The following PTPRB variants were observed in gnomAD, a reference collection of about 807,000 sequenced individuals.
The protein encoded by PTPRB is protein tyrosine phosphatase receptor type B, also known as receptor-type tyrosine-protein phosphatase beta.
PTPRB carries 97 observed loss-of-function variants against 238.1 expected under a neutral mutation model. The ratio of observed to expected loss-of-function variants is 0.41; its 90% CI spans 0.35 to 0.48. The LOEUF is 0.48. Ranked by LOEUF, PTPRB falls within the 20% of genes least tolerant of loss-of-function variation. PTPRB has a pLI of 0.30. For synonymous variants in PTPRB, 970 were observed against 995.4 expected, an observed-to-expected ratio of 0.97 and a Z score of 0.48; for missense variants, 2,292 against 2,681.9, an observed-to-expected ratio of 0.85 and a Z score of 3.21.
At chr12:70,587,877 G>A (rs1253629375) in intron 8 of PTPRB, among the ~76,000 whole-genome samples, 2 of 151,972 alleles carry the variant, frequency 1.3e-5, no homozygotes, top group African/African-American at 4.8e-5. Flanking sequence ...GAGGCGGGTG[G>A]ATCACTTGAG....
At chr12:70,634,899 C>A (rs1885614217) in intron 2 of PTPRB, among the ~76,000 whole-genome samples, 1 of 152,158 alleles carries the variant, frequency 6.6e-6, no homozygotes, top group Admixed American at 6.5e-5. Context: ...CTTTCTAAAG[C>A]AAACCTCTAA....
intron 2 of PTPRB, among the ~76,000 whole-genome samples, chr12:70,635,134 A>G (rs907808563): frequency 1.3e-5 from 2 of 152,194 alleles, no homozygotes; most frequent in African/African-American, 4.8e-5. Flanking sequence ...TTAACATTTC[A>G]AAAGTGTGTT....
At chr12:70,585,426 C>T (rs2136437844) in intron 9 of PTPRB, 1 of 152,234 alleles carries the variant, frequency 6.6e-6, no homozygotes, top group South Asian at 2.1e-4. Context: ...CAAATCTCAT[C>T]TTGAATTGTA....
chr12:70,624,646 A>G (rs1046462539), intron 2 of PTPRB, among the ~76,000 whole-genome samples: 1 of 152,162 alleles, frequency 6.6e-6, no homozygotes, highest in Non-Finnish European at 1.5e-5. Context: ...TATGCAGATT[A>G]GCATTTTGGT....
rs545428867 is a variant in PTPRB, at chr12:70,521,046, G to C, written c.*443C>G. 1 of 154,328 alleles carries C rather than the reference G, an allele frequency of 6.5e-6. No homozygotes were observed. The highest frequency in any genetic ancestry group is 2.4e-5 in the African/African-American group (1 of 41,588). 9.6% of individuals were successfully genotyped at this position (154,328 alleles called of 1,614,324 possible). A position where few individuals can be genotyped will look rare whatever the true frequency, so the allele number is the denominator to read the frequency against. ...TCGAGATTCATGGGACAGCAATGCA[G>C]CAAATCTAGCCATAGTATTTGCTCT... On this transcript the variant is annotated 3_prime_UTR_variant, in exon 34 of 34. Coordinates refer to ENST00000334414, the MANE Select transcript of PTPRB (RefSeq NM_001109754.4).
chr12:70,631,937 C>G (rs1169921867), intron 2 of PTPRB, among the ~76,000 whole-genome samples: 1 of 152,116 alleles, frequency 6.6e-6, no homozygotes, highest in African/African-American at 2.4e-5. Flanking sequence ...ACAACAGATG[C>G]TGGAGAGGAT....
chr12:70,545,418 T>C (rs549619561), intron 21 of PTPRB, among the ~76,000 whole-genome samples: 6 of 152,240 alleles, frequency 3.9e-5, no homozygotes, highest in East Asian at 1.9e-4. Flanking sequence ...ATCATATTTA[T>C]TGTCAACAGG....
At chr12:70,596,028 T>C in intron 5 of PTPRB, 21 bp downstream of exon 5, 1 of 1,536,872 alleles carries the variant, frequency 6.5e-7, no homozygotes. Flanking sequence ...ACTACTCAGC[T>C]ATAAAATAAA....
At chr12:70,633,128 C>T (rs569635976) in intron 2 of PTPRB, among the ~76,000 whole-genome samples, 3 of 152,280 alleles carry the variant, frequency 2.0e-5, no homozygotes, top group Non-Finnish European at 4.4e-5. Context: ...TGTATTTGTG[C>T]TGCTGTAGAT....
At chr12:70,543,501 C>T (rs1472095149) in intron 22 of PTPRB, among the ~76,000 whole-genome samples, 1 of 152,162 alleles carries the variant, frequency 6.6e-6, no homozygotes, top group Non-Finnish European at 1.5e-5. Flanking sequence ...CATCTAAATC[C>T]TCTTAACTGT....
rs1194339348 is a variant in PTPRB at position 70,562,945 on chromosome 12, C to A, written c.4067G>T (p.Ser1356Ile). 8.7e-6 allele frequency: 14 copies of A among 1,613,894 alleles called. No homozygotes were observed. The highest frequency in any genetic ancestry group is 1.1e-5 in the Non-Finnish European group (13 of 1,179,912). The change falls in exon 16 of 34, where the codon AGC (serine) becomes ATC (isoleucine). Residue 1356 changes from serine to isoleucine, a missense_variant. This residue lies in a region of PTPRB where 683 missense variants were observed against 862.0 expected (regional missense o/e 0.79). Coordinates refer to ENST00000334414, the MANE Select transcript of PTPRB (RefSeq NM_001109754.4). ...TTGTAGCAAGTTCTGGAAAGAGAAGCTCTGGACTAGTGGGTCAACTTGAGC... is the reference window on the plus strand; with the variant it reads ...TTGTAGCAAGTTCTGGAAAGAGAAGATCTGGACTAGTGGGTCAACTTGAGC... Reference protein sequence around the residue: ...ERAQVDPLVQSFSFQNLLQGR... With the variant: ...ERAQVDPLVQIFSFQNLLQGR...
At chr12:70,557,134 G>A (rs1877802104) in intron 18 of PTPRB, among the ~76,000 whole-genome samples, 1 of 152,182 alleles carries the variant, frequency 6.6e-6, no homozygotes, top group Non-Finnish European at 1.5e-5. Flanking sequence ...CTCTGCCAAG[G>A]TATCACGAAA....
intron 4 of PTPRB, among the ~76,000 whole-genome samples, chr12:70,602,027 T>A (rs10879169): frequency 9.9e-5 from 15 of 151,780 alleles, no homozygotes; most frequent in African/African-American, 3.6e-4. Flanking sequence ...GATCTCCTGA[T>A]GTTGTGATCT....
At chr12:70,617,351 G>A (rs955522756) in intron 3 of PTPRB, among the ~76,000 whole-genome samples, 8 of 152,140 alleles carry the variant, frequency 5.3e-5, no homozygotes, top group African/African-American at 1.7e-4. Flanking sequence ...CTTTTGAAAC[G>A]TATCCTCCCC....
rs764661780 is a variant in PTPRB, at chr12:70,539,820, C to A, written c.5696+7G>T. 6.3e-7 allele frequency: 1 copy of A among 1,597,326 alleles called. No individual in the cohort carries two copies. The highest frequency in any genetic ancestry group is 1.7e-5 in the Admixed American group (1 of 60,000). On this transcript the variant is annotated splice_region_variant and intron_variant, in intron 25 of 33. Transcript: ENST00000334414. ...TAATATAGTAATTAATGTGTTCTCT[C>A]TCTTACCAAGAAGTTTTCCGGTTAC...
At chr12:70,571,393 C>T (rs1018839974) in intron 12 of PTPRB, 104 bp from the exon 13 acceptor site, 1 of 1,116,564 alleles carries the variant, frequency 9.0e-7, no homozygotes, top group Non-Finnish European at 1.3e-6. Flanking sequence ...ATCTCCCTTC[C>T]CCAAATAAAC....
intron 2 of PTPRB, among the ~76,000 whole-genome samples, chr12:70,634,729 C>T (rs555989554): frequency 6.6e-6 from 1 of 152,182 alleles, no homozygotes; most frequent in Non-Finnish European, 1.5e-5. Flanking sequence ...AACTTAGGCT[C>T]TAATCATAGA....
At chr12:70,562,358 T>C (rs550947046) in intron 16 of PTPRB, among the ~76,000 whole-genome samples, 5 of 152,184 alleles carry the variant, frequency 3.3e-5, no homozygotes, top group Non-Finnish European at 7.4e-5. Flanking sequence ...TGTTTTTTGT[T>C]TGCAGCCCAG....
intron 28 of PTPRB, among the ~76,000 whole-genome samples, chr12:70,537,823 T>C (rs924736327): frequency 6.6e-6 from 1 of 152,192 alleles, no homozygotes; most frequent in African/African-American, 2.4e-5. Context: ...CCAAATAACA[T>C]GGGATCAGCT....
Sources: allele counts gnomAD v4.1 joint callset (sites outside exome capture counted in the v4.1 genomes callset), GRCh38; gene constraint gnomAD v4.1.1; regional missense constraint gnomAD v4.1.1; transcripts MANE v1.5; gene names NCBI Gene and HGNC (gene_info 2026-07-23, HGNC 2026-07-21).